The following GNAL variants were observed in gnomAD, a reference collection of about 807,000 sequenced individuals.
GNAL encodes the protein G protein subunit alpha L.
GNAL carries 18 observed loss-of-function variants against 55.1 expected under a neutral mutation model. That is an observed-to-expected ratio of 0.33 (90% CI 0.23 to 0.48). The LOEUF (loss-of-function observed/expected upper bound fraction) is 0.48, where lower values mean the gene tolerates loss of function less well. Among genes scored for constraint, GNAL ranks in the 20% least tolerant of loss-of-function variants. GNAL has a pLI of 0.99. For synonymous variants in GNAL, 253 were observed against 237.0 expected, an observed-to-expected ratio of 1.07 and a Z score of -0.62; for missense variants, 412 against 614.1, an observed-to-expected ratio of 0.67 and a Z score of 3.48.
Position 11,867,201 on chromosome 18 carries a change from G to A in GNAL, c.885G>A (p.Arg295=). 6.2e-7 allele frequency: 1 copy of A among 1,609,380 alleles called. No individual in the cohort carries two copies. The highest frequency in any genetic ancestry group is 8.5e-7 in the Non-Finnish European group (1 of 1,176,228). The change falls in exon 8 of 12, where the codon AGG becomes AGA. Residue 295 remains arginine, a synonymous_variant. Transcript: ENST00000334049. ...MFDVGGQRDE[R]RKWIQCFNDV... ...ATGTTGGTGGCCAGAGGGATGAGAG[G>A]AGAAAATGGATCCAGTGCTTTAACG...
At chr18:11,851,625 G>A in intron 5 of GNAL, 1 of 1,613,964 alleles carries the variant, frequency 6.2e-7, no homozygotes, top group Non-Finnish European at 8.5e-7. Context: ...AAATTAAAAA[G>A]GCCATTCAGA....
At chr18:11,842,044 C>T (rs576201205) in intron 5 of GNAL, among the ~76,000 whole-genome samples, 1 of 151,908 alleles carries the variant, frequency 6.6e-6, no homozygotes, top group Admixed American at 6.6e-5. Context: ...GCAATCTCGA[C>T]TCACCTCAAC....
chr18:11,760,457 C>T (rs2033204851), intron 4 of GNAL, among the ~76,000 whole-genome samples: 1 of 152,198 alleles, frequency 6.6e-6, no homozygotes, highest in Non-Finnish European at 1.5e-5. Flanking sequence ...CTTTCGCCTT[C>T]TGCAGTACAC....
At chr18:11,773,532 G>A (rs568348797) in intron 4 of GNAL, among the ~76,000 whole-genome samples, 107 of 152,262 alleles carry the variant, frequency 7.0e-4, no homozygotes, top group African/African-American at 2.4e-3. Flanking sequence ...TGGGGAGTCC[G>A]AGGTTGGAGG....
chr18:11,830,063 C>G (rs2035343977), intron 5 of GNAL, among the ~76,000 whole-genome samples: 1 of 152,038 alleles, frequency 6.6e-6, no homozygotes, highest in Non-Finnish European at 1.5e-5. Context: ...AATATGTGAA[C>G]TGACCAAAAA....
chr18:11,878,231 A>G (rs1486451650), intron 11 of GNAL, among the ~76,000 whole-genome samples: 1 of 152,192 alleles, frequency 6.6e-6, no homozygotes, highest in African/African-American at 2.4e-5. Context: ...CAGGTGGATC[A>G]CCTGAGGCCA....
rs2036539134 is a variant in GNAL, at chr18:11,876,671, A to T, written c.1213A>T (p.Ile405Phe). The stretch of plus-strand genomic sequence containing the variant: ...CAAAGTTACAAGAGCCAAGTTCTTT[A>T]TCCGGGACCTGTTTTTGGTAAGCAA... ...DPKVTRAKFF[I>F]RDLFLRISTA... is the part of the protein sequence containing the mutation. Residue 405 changes from isoleucine to phenylalanine, a missense_variant, in exon 11 of 12, where the codon ATC becomes TTC. Ile to Phe is a conservative substitution (Grantham distance 21). This residue lies in a region of GNAL where 79 missense variants were observed against 127.1 expected (regional missense o/e 0.62). Transcript: ENST00000334049. The T allele has an allele frequency of 3.1e-6, 5 of 1,603,032 alleles. No homozygotes were observed. Among genetic ancestry groups the T allele is most frequent in the Non-Finnish European group, 4.3e-6 (5 of 1,169,822 alleles).
chr18:11,743,789 G>A (rs2032630393), intron 1 of GNAL, among the ~76,000 whole-genome samples: 1 of 152,186 alleles, frequency 6.6e-6, no homozygotes, highest in South Asian at 2.1e-4. Context: ...CTGTTCAAAT[G>A]CAAATTATTG....
At chr18:11,847,597 G>A (rs541279272) in intron 5 of GNAL, among the ~76,000 whole-genome samples, 2 of 152,064 alleles carry the variant, frequency 1.3e-5, no homozygotes, top group South Asian at 4.2e-4. Flanking sequence ...GGTTTGACCC[G>A]CAGCTTTCTA....
intron 4 of GNAL, among the ~76,000 whole-genome samples, chr18:11,774,849 G>A (rs2033734780): frequency 6.6e-6 from 1 of 152,166 alleles, no homozygotes; most frequent in South Asian, 2.1e-4. Context: ...TGTTTGCAGA[G>A]TTTAGGTCGA....
intron 11 of GNAL, among the ~76,000 whole-genome samples, chr18:11,879,235 C>T (rs1235562302): frequency 6.6e-6 from 1 of 151,556 alleles, no homozygotes; most frequent in East Asian, 1.9e-4. Flanking sequence ...AGTTTCATAC[C>T]TCATGACATC....
At chr18:11,806,114 T>G (rs901527667) in intron 4 of GNAL, among the ~76,000 whole-genome samples, 1 of 152,256 alleles carries the variant, frequency 6.6e-6, no homozygotes, top group Non-Finnish European at 1.5e-5. Context: ...TTGAGCATTT[T>G]TTCATATGCT....
chr18:11,862,649 G>A (rs1303697295), intron 6 of GNAL, among the ~76,000 whole-genome samples, 200 bp downstream of exon 6: 1 of 152,284 alleles, frequency 6.6e-6, no homozygotes, highest in Admixed American at 6.5e-5. Flanking sequence ...AGCACTTAGT[G>A]ATTATCAAAA....
chr18:11,843,821 A>G (rs915093353), intron 5 of GNAL, among the ~76,000 whole-genome samples: 31 of 151,836 alleles, frequency 2.0e-4, no homozygotes, highest in African/African-American at 6.8e-4. Flanking sequence ...TAAAAATACA[A>G]AATTAGCAGG....
At position 11,689,829 on chromosome 18, in the gene GNAL, CCAAGGAGCGCGAGGCGGT is replaced by C. The variant is rs1164319222; in HGVS notation, c.274_291del (p.Arg92_Glu97del). 20 of 1,536,668 alleles carry C rather than the reference CCAAGGAGCGCGAGGCGGT, an allele frequency of 1.3e-5. No individual in the cohort carries two copies. Among genetic ancestry groups the C allele is most frequent in the East Asian group, 5.2e-5 (2 of 38,184 alleles). On this transcript the variant is annotated inframe_deletion, in exon 1 of 12. Transcript: ENST00000334049. ...CTGAGTGCCGAGGAGCGCGAGGCGG[CCAAGGAGCGCGAGGCGGT>C]CAAGGAGGCGAGGAAAGTGAGCCGG...
intron 4 of GNAL, among the ~76,000 whole-genome samples, chr18:11,790,053 C>G (rs1042128470): frequency 6.6e-6 from 1 of 152,198 alleles, no homozygotes; most frequent in African/African-American, 2.4e-5. Flanking sequence ...CTTTCTAGAA[C>G]GCTCCAGTGG....
intron 4 of GNAL, among the ~76,000 whole-genome samples, chr18:11,816,273 G>A (rs1341235090): frequency 1.3e-5 from 2 of 152,024 alleles, no homozygotes; most frequent in African/African-American, 4.8e-5. Flanking sequence ...AAATGGAATA[G>A]AACTCAGCAA....
chr18:11,752,712 C>A lies in GNAL; in HGVS notation c.377-141C>A. 8.5e-7 allele frequency: 1 copy of A among 1,169,874 alleles called. No individual in the cohort carries two copies. The highest frequency in any genetic ancestry group is 1.2e-6 in the Non-Finnish European group (1 of 844,114). 72.5% of individuals were successfully genotyped at this position (1,169,874 alleles called of 1,614,324 possible). The stretch of plus-strand genomic sequence containing the variant: ...TGGGCCGCGGAGCCCAGACGGCGGC[C>A]GGGGCGAGCTCCTCCAGCCAGGAAC... On this transcript the variant is annotated intron_variant, in intron 1 of 11. Transcript: ENST00000334049. The surrounding 1 kb of genome is among the most constrained non-coding windows in gnomAD (Gnocchi z 4.5).
At chr18:11,711,595 T>A (rs978455506) in intron 1 of GNAL, among the ~76,000 whole-genome samples, 3 of 152,214 alleles carry the variant, frequency 2.0e-5, no homozygotes, top group African/African-American at 7.2e-5. Context: ...GTTGATATTC[T>A]AATTTTATGC....
Sources: gnomAD v4.1 joint callset for allele counts (sites outside exome capture counted in the v4.1 genomes callset) on GRCh38, gnomAD v4.1.1 for gene constraint, gnomAD v4.1.1 regional missense constraint, Gnocchi (gnomAD v3.1) non-coding constraint, MANE v1.5 for transcripts, NCBI Gene and HGNC (gene_info 2026-07-23, HGNC 2026-07-21) for gene names.